The following PRPF18 variants were observed in gnomAD, a reference collection of about 807,000 sequenced individuals.
PRPF18 encodes the protein pre-mRNA processing factor 18.
In PRPF18, 38 loss-of-function variants were observed where a neutral mutation model predicts 46.5. That is an observed-to-expected ratio of 0.82 (90% CI 0.63 to 1.07). PRPF18 has a LOEUF of 1.07. Among genes scored for constraint, PRPF18 ranks in the 50% least tolerant of loss-of-function variants. The pLI, the probability that PRPF18 is intolerant of heterozygous loss-of-function variation, is 0.00. For missense variants in PRPF18, 263 were observed against 410.0 expected, an observed-to-expected ratio of 0.64 and a Z score of 3.10; for synonymous variants, 152 against 146.7, an observed-to-expected ratio of 1.04 and a Z score of -0.26.
intron 1 of PRPF18, among the ~76,000 whole-genome samples, chr10:13,590,796 A>T (rs2079950295): frequency 6.6e-6 from 1 of 152,110 alleles, no homozygotes; most frequent in Non-Finnish European, 1.5e-5. Flanking sequence ...CTAGCAAGAG[A>T]TAGAGCCTGG....
At chr10:13,627,354 T>C (rs61833174) in intron 9 of PRPF18, among the ~76,000 whole-genome samples, 17,838 of 152,250 alleles carry the variant, frequency 0.12, 1,426 homozygotes, top group Middle Eastern at 0.17. Context: ...CCTAGAACAG[T>C]ATGTATAGTA....
At position 13,600,782 on chromosome 10, in the gene PRPF18, A is replaced by C. The variant is rs186461936; in HGVS notation, c.249+434A>C. 3.0e-3 allele frequency among the ~76,000 whole-genome samples: 454 copies of C among 151,824 alleles called. 2 individuals are homozygous for C. The highest frequency in any genetic ancestry group is 0.01 in the Middle Eastern group (3 of 292). On this transcript the variant is annotated intron_variant, in intron 3 of 9. Coordinates refer to ENST00000378572, the MANE Select transcript of PRPF18 (RefSeq NM_003675.4). The stretch of plus-strand genomic sequence containing the variant: ...TTTGCTCCATAATGTTTCTTTCTTT[A>C]TTTATTTATTTTGAGACAGAGTCTC...
Position 13,630,600 on chromosome 10 carries a change from A to G in PRPF18, c.*260A>G, listed in dbSNP as rs1360140475. On this transcript the variant is annotated 3_prime_UTR_variant, in exon 10 of 10. Transcript: ENST00000378572. ...AGATTTTTCCTCACAATTTAAATCC[A>G]TAGACAACAGAAGGGGGTTTAAAAT... 1.6e-5 allele frequency: 4 copies of G among 252,724 alleles called. No homozygotes were observed. Among genetic ancestry groups the G allele is most frequent in the Non-Finnish European group, 3.0e-5 (4 of 133,648 alleles). The allele number at this position is 252,724 out of a possible 1,614,324, so 15.7% of individuals were successfully genotyped here. A position where few individuals can be genotyped will look rare whatever the true frequency, so the allele number is the denominator to read the frequency against.
At chr10:13,592,783 T>C (rs2079983105) in intron 1 of PRPF18, among the ~76,000 whole-genome samples, 3 of 152,220 alleles carry the variant, frequency 2.0e-5, no homozygotes, top group African/African-American at 7.2e-5. Flanking sequence ...GTTGTAGTTA[T>C]GAGGATGAGC....
chr10:13,638,024 T>C, the PRPF18 span: 1 of 152,242 alleles, frequency 6.6e-6, no homozygotes, highest in Non-Finnish European at 1.5e-5. Flanking sequence ...AACTGTAATA[T>C]GCACAGTTAA....
At chr10:13,617,237 T>TCC (rs1488873993) in intron 9 of PRPF18, among the ~76,000 whole-genome samples, 1 of 152,186 alleles carries the variant, frequency 6.6e-6, no homozygotes, top group Non-Finnish European at 1.5e-5. Flanking sequence ...ACAGTGATAC[T>TCC]CCGGAAGTTT....
intron 3 of PRPF18, among the ~76,000 whole-genome samples, chr10:13,600,778 C>A (rs2502210): frequency 0.8 from 121,446 of 151,952 alleles, 48,705 homozygotes; most frequent in East Asian, 0.84. Context: ...ATGTTTCTTT[C>A]TTTATTTATT....
At chr10:13,599,593 T>G (rs74991287) in intron 2 of PRPF18, among the ~76,000 whole-genome samples, 4,204 of 152,230 alleles carry the variant, frequency 0.028, 128 homozygotes, top group East Asian at 0.1. Context: ...TTCCTACAGG[T>G]TCATATGAAC....
At chr10:13,616,151 C>CT (rs1247162058) in intron 8 of PRPF18, among the ~76,000 whole-genome samples, 5 of 151,958 alleles carry the variant, frequency 3.3e-5, no homozygotes, top group South Asian at 2.1e-4. Context: ...GAATGTTTGC[C>CT]TTTTTTTTAC....
the PRPF18 span, among the ~76,000 whole-genome samples, chr10:13,636,302 G>A: frequency 1.3e-5 from 2 of 152,198 alleles, no homozygotes; most frequent in African/African-American, 2.4e-5. Context: ...CGCACGTGTA[G>A]TCCCAGCTAC....
rs543300847 is a variant in PRPF18, at chr10:13,615,696, C to A, written c.793-702C>A. Among the ~76,000 whole-genome samples the A allele has an allele frequency of 1.8e-4, 28 of 152,074 alleles. No individual in the cohort carries two copies. The South Asian group carries it at 5.2e-3, about 28-fold the overall frequency. On this transcript the variant is annotated intron_variant, in intron 8 of 9. Transcript: ENST00000378572. ...TTGCTTTATGTTTTTCTTGTTCTTCCTCACAGCTAGCCAGGCTTGGTTAGG... is the reference window on the plus strand; with the variant it reads ...TTGCTTTATGTTTTTCTTGTTCTTCATCACAGCTAGCCAGGCTTGGTTAGG...
intron 9 of PRPF18, 62 bp from the exon 10 acceptor site, chr10:13,630,198 G>A (rs2134109739): frequency 7.6e-7 from 1 of 1,314,346 alleles, no homozygotes. Flanking sequence ...GAGTTCAGAG[G>A]AAGGCAGTTA....
At chr10:13,597,881 A>AAAGGGG (rs1338902854) in intron 2 of PRPF18, among the ~76,000 whole-genome samples, 5 of 151,876 alleles carry the variant, frequency 3.3e-5, no homozygotes, top group Non-Finnish European at 7.4e-5. Flanking sequence ...CACCTCTCCC[A>AAAGGGG]ATAAAACAGT....
At chr10:13,591,509 C>T (rs947645725) in intron 1 of PRPF18, 25 of 706,416 alleles carry the variant, frequency 3.5e-5, no homozygotes, top group Non-Finnish European at 5.2e-5. Flanking sequence ...AAACACAGAT[C>T]GCAGGTAGTC....
the PRPF18 span, chr10:13,654,458 G>A: frequency 1.9e-6 from 3 of 1,613,704 alleles, no homozygotes; most frequent in Non-Finnish European, 1.7e-6. Flanking sequence ...GCTTGGGGGG[G>A]TGGCTCCAAT....
At position 13,614,093 on chromosome 10, in the gene PRPF18, T is replaced by A. The variant is rs767028651; in HGVS notation, c.792+7T>A. On this transcript the variant is annotated splice_region_variant and intron_variant, in intron 8 of 9. Transcript: ENST00000378572. ...GCAGAGAGAATACGTGAAGGTACAT[T>A]CCCATGCTGTTCTTTGAAATTGTTA... 3.0e-5 allele frequency: 47 copies of A among 1,553,512 alleles called. 1 individual carries two copies. The Admixed American group carries it at 8.7e-4, about 29-fold the overall frequency.
chr10:13,597,229 A>G (rs2080048687), intron 1 of PRPF18, among the ~76,000 whole-genome samples: 1 of 152,208 alleles, frequency 6.6e-6, no homozygotes, highest in Non-Finnish European at 1.5e-5. Context: ...TGATACTGCA[A>G]GAAAAATACT....
chr10:13,618,739 T>C (rs879770602), intron 9 of PRPF18, among the ~76,000 whole-genome samples: 5 of 152,030 alleles, frequency 3.3e-5, no homozygotes, highest in Non-Finnish European at 7.4e-5. Context: ...AGAACATAGT[T>C]CAGTATTGTA....
At chr10:13,587,355 G>C (rs1419462233) in intron 1 of PRPF18, among the ~76,000 whole-genome samples, 1 of 152,182 alleles carries the variant, frequency 6.6e-6, no homozygotes. Context: ...CTGAGAGCAG[G>C]GAACTTGAGT....
Sources: allele counts gnomAD v4.1 joint callset (sites outside exome capture counted in the v4.1 genomes callset), GRCh38; gene constraint gnomAD v4.1.1; transcripts MANE v1.5; gene names NCBI Gene and HGNC (gene_info 2026-07-23, HGNC 2026-07-21).